The following CDIN1 variants were observed in gnomAD, a reference collection of about 807,000 sequenced individuals.
CDIN1 encodes CDAN1 interacting nuclease 1.
A neutral mutation model predicts 45.3 loss-of-function variants in CDIN1; 33 were observed. The ratio of observed to expected loss-of-function variants is 0.73; its 90% confidence interval spans 0.55 to 0.97. The LOEUF is 0.97. Among genes scored for constraint, CDIN1 ranks in the 50% least tolerant of loss-of-function variants. The probability of loss-of-function intolerance (pLI) is 0.00; values close to 1 mark genes in which losing one functional copy is unlikely to be tolerated. For synonymous variants in CDIN1, 118 were observed against 124.4 expected (o/e 0.95, Z 0.34); for missense variants, 303 against 339.4 (o/e 0.89, Z 0.84).
intron 10 of CDIN1, chr15:36,799,726 T>C (rs2054947945): frequency 6.6e-6 from 1 of 152,206 alleles, no homozygotes; most frequent in African/African-American, 2.4e-5. Flanking sequence ...GGAGCTTTTC[T>C]TCTGTGACTT....
chr15:36,715,760 T>C (rs543455960), intron 10 of CDIN1, among the ~76,000 whole-genome samples: 4 of 152,332 alleles, frequency 2.6e-5, no homozygotes, highest in African/African-American at 9.6e-5. Flanking sequence ...TGTGAGATAT[T>C]GATGTCCCAT....
At chr15:36,725,077 T>G (rs562706216) in intron 10 of CDIN1, among the ~76,000 whole-genome samples, 1 of 152,236 alleles carries the variant, frequency 6.6e-6, no homozygotes, top group South Asian at 2.1e-4. Flanking sequence ...CTTCCTGCAA[T>G]GTGATGGCTT....
chr15:36,607,649 A>G lies in CDIN1; in HGVS notation c.101+27688A>G, dbSNP rs138623498. ...TCTGTCTTTCCTTCATTCCAGTTTA[A>G]AATTAAGTGTATTGTACGTTATATA... is the stretch of plus-strand genomic sequence containing the variant. On this transcript the variant is annotated intron_variant, in intron 1 of 10. Coordinates refer to ENST00000566621, the MANE Select transcript of CDIN1 (RefSeq NM_001321759.2). Among the ~76,000 whole-genome samples, 63 of 152,128 alleles carry G rather than the reference A, an allele frequency of 4.1e-4. 2 individuals carry two copies. In the East Asian group the frequency reaches 0.01, roughly 25 times the overall value.
chr15:36,624,574 A>T lies in CDIN1; in HGVS notation c.102-19704A>T, dbSNP rs537147868. On this transcript the variant is annotated intron_variant, in intron 1 of 10. Coordinates refer to ENST00000566621, the MANE Select transcript of CDIN1 (RefSeq NM_001321759.2). Reference sequence around the variant, plus strand: ...AAACATGTCATCTACTGAGGCTTCAAATAGTTTGCTTGACCTCCTGAGAGT... The same window carrying T: ...AAACATGTCATCTACTGAGGCTTCATATAGTTTGCTTGACCTCCTGAGAGT... Among the ~76,000 whole-genome samples the T allele has an allele frequency of 2.6e-5, 4 of 152,296 alleles. No individual in the cohort carries two copies. The South Asian group carries it at 6.2e-4, about 24-fold the overall frequency.
intron 1 of CDIN1, among the ~76,000 whole-genome samples, chr15:36,624,732 CAG>C (rs1490525221): frequency 2.0e-5 from 3 of 151,798 alleles, no homozygotes. Flanking sequence ...AAGCAGAAGA[CAG>C]GGAAAAAGTA....
chr15:36,718,803 A>G (rs2043300975), intron 10 of CDIN1, among the ~76,000 whole-genome samples: 1 of 118,392 alleles, frequency 8.4e-6, no homozygotes, highest in Non-Finnish European at 1.7e-5. Context: ...TTCACTTTCA[A>G]TTTGTATGCT....
intron 3 of CDIN1, among the ~76,000 whole-genome samples, chr15:36,650,466 A>G (rs1449700436): frequency 6.6e-6 from 1 of 150,748 alleles, no homozygotes; most frequent in East Asian, 2.0e-4. Flanking sequence ...TATTTGAGAC[A>G]GAACCTTTCT....
At chr15:36,592,117 A>G (rs965806995) in intron 1 of CDIN1, among the ~76,000 whole-genome samples, 2 of 152,140 alleles carry the variant, frequency 1.3e-5, no homozygotes, top group Non-Finnish European at 2.9e-5. Context: ...CCTGAGTTTT[A>G]AATGTTGTCA....
At chr15:36,654,016 A>G (rs181681534) in intron 3 of CDIN1, 82 bp from the exon 4 acceptor site, 184 of 1,013,712 alleles carry the variant, frequency 1.8e-4, no homozygotes, top group Admixed American at 8.6e-4. Flanking sequence ...CAGGAGAAAC[A>G]TGTATACACA....
intron 10 of CDIN1, among the ~76,000 whole-genome samples, chr15:36,736,389 A>T (rs2044019856): frequency 6.6e-6 from 1 of 152,092 alleles, no homozygotes; most frequent in Non-Finnish European, 1.5e-5. Flanking sequence ...GTACCTTGAT[A>T]TTCTTTCATG....
intron 5 of CDIN1, among the ~76,000 whole-genome samples, chr15:36,663,455 G>A (rs995178394): frequency 1.3e-5 from 2 of 152,168 alleles, no homozygotes; most frequent in East Asian, 3.9e-4. Context: ...TGTTGTGGAA[G>A]GGACCCAGTA....
chr15:36,703,392 TATATATATATGATATAC>T (rs2042739364), intron 8 of CDIN1, among the ~76,000 whole-genome samples: 1 of 16,082 alleles, frequency 6.2e-5, no homozygotes, highest in African/African-American at 2.1e-4. Flanking sequence ...ATATCAGATA[TATATATATATGATATAC>T]ATATATATCA....
chr15:36,713,045 G>A (rs2043110040), intron 10 of CDIN1, among the ~76,000 whole-genome samples: 1 of 152,138 alleles, frequency 6.6e-6, no homozygotes, highest in Non-Finnish European at 1.5e-5. Flanking sequence ...CTTTTATACT[G>A]AGATGATGAC....
intron 10 of CDIN1, among the ~76,000 whole-genome samples, chr15:36,760,617 GT>G (rs2053734543): frequency 6.6e-6 from 1 of 152,252 alleles, no homozygotes; most frequent in African/African-American, 2.4e-5. Context: ...AATTTTAAGT[GT>G]TTATTCATTT....
At chr15:36,619,896 AT>A (rs1413391145) in intron 1 of CDIN1, among the ~76,000 whole-genome samples, 3 of 152,062 alleles carry the variant, frequency 2.0e-5, no homozygotes, top group Non-Finnish European at 4.4e-5. Flanking sequence ...TGAAAACTGA[AT>A]GTAAAACTTG....
intron 10 of CDIN1, among the ~76,000 whole-genome samples, chr15:36,794,061 A>ATAT (rs1555409777): frequency 8.2e-6 from 1 of 121,300 alleles, no homozygotes; most frequent in Non-Finnish European, 1.6e-5. Flanking sequence ...CATCATAACT[A>ATAT]TTTTTTTTTT....
Position 36,697,656 on chromosome 15 carries a change from AT to A in CDIN1, c.544+267del, listed in dbSNP as rs372408032. On this transcript the variant is annotated intron_variant, in intron 8 of 10. Coordinates refer to ENST00000566621, the MANE Select transcript of CDIN1 (RefSeq NM_001321759.2). ...GCAGTATTACTTTTGGTGTCATGAG[AT>A]ATTAACCATAATCTAGCCCTTATGA... is the stretch of plus-strand genomic sequence containing the variant. Among the ~76,000 whole-genome samples the A allele has an allele frequency of 2.1e-3, 315 of 152,298 alleles. 1 individual carries two copies. The highest frequency in any genetic ancestry group is 7.0e-3 in the African/African-American group (291 of 41,566).
At chr15:36,748,951 T>G (rs957544171) in intron 10 of CDIN1, among the ~76,000 whole-genome samples, 14 of 152,106 alleles carry the variant, frequency 9.2e-5, no homozygotes, top group African/African-American at 3.1e-4. Flanking sequence ...CAAATAAAAC[T>G]GCTGAGGTTT....
intron 3 of CDIN1, among the ~76,000 whole-genome samples, chr15:36,651,273 C>T (rs543596131): frequency 6.6e-6 from 1 of 152,140 alleles, no homozygotes; most frequent in African/African-American, 2.4e-5. Context: ...ATTTGTGTAG[C>T]CCTACCCCAA....
Sources: allele counts gnomAD v4.1 joint callset (sites outside exome capture counted in the v4.1 genomes callset), GRCh38; gene constraint gnomAD v4.1.1; transcripts MANE v1.5; gene names NCBI Gene and HGNC (gene_info 2026-07-23, HGNC 2026-07-21).